The following KIF4A variants were observed in gnomAD, a reference collection of about 807,000 sequenced individuals.
KIF4A encodes chromosome-associated kinesin KIF4A.
A neutral mutation model predicts 105.9 loss-of-function variants in KIF4A; 7 were observed. The observed-to-expected ratio is 0.07, with a 90% CI of 0.04 to 0.12. The LOEUF is 0.12. KIF4A is among the 10% of genes least tolerant of loss of function. The probability of loss-of-function intolerance (pLI) is 1.00; values close to 1 mark genes in which losing one functional copy is unlikely to be tolerated. For missense variants in KIF4A, 558 were observed against 929.2 expected, an observed-to-expected ratio of 0.60 and a Z score of 5.19; for synonymous variants, 281 against 331.3, an observed-to-expected ratio of 0.85 and a Z score of 1.65.
At chrX:70,308,146 T>A (rs967416083) in intron 7 of KIF4A, among the ~76,000 whole-genome samples, 1 of 112,079 alleles carries the variant, frequency 8.9e-6, no homozygotes, top group African/African-American at 3.2e-5. Context: ...CTGAACTTTT[T>A]AATCCCCACT....
chrX:70,329,644 A>G (rs1433032085), intron 8 of KIF4A, 123 bp downstream of exon 8: 5 of 525,697 alleles, frequency 9.5e-6, no homozygotes, highest in Non-Finnish European at 1.6e-5. Context: ...TCTAATTGAT[A>G]AATACGAGAG....
chrX:70,374,836 G>A (rs985369542), intron 16 of KIF4A, among the ~76,000 whole-genome samples: 7 of 112,064 alleles, frequency 6.2e-5, no homozygotes, highest in African/African-American at 2.3e-4. Context: ...TGAGTCTAAA[G>A]CTCATGTTTG....
At chrX:70,377,131 G>T (rs2086178058) in intron 18 of KIF4A, among the ~76,000 whole-genome samples, 1 of 110,960 alleles carries the variant, frequency 9.0e-6, no homozygotes, top group Non-Finnish European at 1.9e-5. Context: ...GGAGTACAGT[G>T]GTGCAATCAT....
In KIF4A at chrX:70,408,419, T is replaced by C. The variant is rs183116409; in HGVS notation, c.3255+1344T>C. Among the ~76,000 whole-genome samples the C allele has an allele frequency of 1.2e-3, 136 of 112,349 alleles. 1 individual carries two copies. The highest frequency in any genetic ancestry group is 2.0e-3 in the Non-Finnish European group (106 of 53,266). ...GACTTAGGCATGCTTTATTTTCTTA[T>C]ACAATGATAGTCCTACTCAAACCTA... is the stretch of plus-strand genomic sequence containing the variant. On this transcript the variant is annotated intron_variant, in intron 28 of 30. Coordinates refer to ENST00000374403, the MANE Select transcript of KIF4A (RefSeq NM_012310.5).
chrX:70,344,575 T>C (rs2085984702), intron 13 of KIF4A, among the ~76,000 whole-genome samples: 1 of 111,282 alleles, frequency 9.0e-6, no homozygotes, highest in Non-Finnish European at 1.9e-5. Context: ...GTGTTCCATC[T>C]CTTAGTCCTT....
chrX:70,382,083 CT>C (rs1424027952), intron 18 of KIF4A, among the ~76,000 whole-genome samples: 2 of 112,329 alleles, frequency 1.8e-5, no homozygotes, highest in African/African-American at 3.2e-5. Context: ...ACAATTTTGT[CT>C]TTTCAACAAA....
intron 20 of KIF4A, among the ~76,000 whole-genome samples, chrX:70,394,845 A>T (rs145438929): frequency 2.9e-4 from 32 of 111,706 alleles, no homozygotes; most frequent in Non-Finnish European, 6.0e-4. Flanking sequence ...TAGGAATTCT[A>T]CTCCATCTGA....
At chrX:70,303,732 A>G (rs906262118) in intron 7 of KIF4A, among the ~76,000 whole-genome samples, 17 of 110,309 alleles carry the variant, frequency 1.5e-4, no homozygotes, top group African/African-American at 5.3e-4. Flanking sequence ...GTACTATAAC[A>G]TTACCTATTT....
At chrX:70,360,297 C>T (rs971298515) in intron 15 of KIF4A, among the ~76,000 whole-genome samples, 1 of 112,824 alleles carries the variant, frequency 8.9e-6, no homozygotes, top group African/African-American at 3.2e-5. Context: ...GACTAACCCA[C>T]GTTAACAGTC....
chrX:70,327,199 C>T (rs1322959858), intron 7 of KIF4A, among the ~76,000 whole-genome samples: 1 of 111,893 alleles, frequency 8.9e-6, no homozygotes, highest in East Asian at 2.8e-4. Context: ...GGCTTTCCTT[C>T]ATATCCTAGA....
At chrX:70,312,584 A>G (rs1335211385) in intron 7 of KIF4A, among the ~76,000 whole-genome samples, 2 of 112,423 alleles carry the variant, frequency 1.8e-5, no homozygotes, top group African/African-American at 3.2e-5. Context: ...GCATGCCTAT[A>G]TAGTTTCACA....
At chrX:70,369,187 T>G (rs1465775151) in intron 15 of KIF4A, among the ~76,000 whole-genome samples, 1 of 112,489 alleles carries the variant, frequency 8.9e-6, no homozygotes, top group African/African-American at 3.2e-5. Flanking sequence ...CTGTGACCCC[T>G]TCCGCTTCCT....
At chrX:70,325,509 C>T (rs2085907722) in intron 7 of KIF4A, among the ~76,000 whole-genome samples, 2 of 111,433 alleles carry the variant, frequency 1.8e-5, no homozygotes, top group African/African-American at 6.5e-5. Context: ...AACTCCTGGG[C>T]TCAAGCAATC....
At chrX:70,391,541 C>G (rs2086237411) in intron 20 of KIF4A, among the ~76,000 whole-genome samples, 1 of 111,278 alleles carries the variant, frequency 9.0e-6, no homozygotes, top group Non-Finnish European at 1.9e-5. Context: ...CTTTTTGTCT[C>G]TAGTTAGTTG....
intron 5 of KIF4A, 65 bp downstream of exon 5, chrX:70,299,267 C>G: frequency 1.1e-6 from 1 of 881,891 alleles, no homozygotes; most frequent in Non-Finnish European, 1.6e-6. Context: ...AAGTTCACAT[C>G]CCTTTTATCT....
At chrX:70,359,648 C>T (rs746281313) in intron 15 of KIF4A, among the ~76,000 whole-genome samples, 1 of 110,634 alleles carries the variant, frequency 9.0e-6, no homozygotes, top group African/African-American at 3.3e-5. Flanking sequence ...GTCTGAGCAC[C>T]AGCCATCACA....
In KIF4A at chrX:70,373,533, T is replaced by TAC. The variant is rs1265492790; in HGVS notation, c.1675-617_1675-616insCA. Among the ~76,000 whole-genome samples the TAC allele has an allele frequency of 9.4e-4, 27 of 28,736 alleles. 7 individuals carry two copies. The highest frequency in any genetic ancestry group is 1.3e-3 in the Non-Finnish European group (25 of 19,843). The allele number at this position is 28,736 out of a possible 115,157, so 25.0% of individuals were successfully genotyped here. On this transcript the variant is annotated intron_variant, in intron 15 of 30. Coordinates refer to ENST00000374403, the MANE Select transcript of KIF4A (RefSeq NM_012310.5). ...ATACATGTGTGTGTATGTATATATA[T>TAC]ATATATATATATATATATATATACG...
chrX:70,420,213 G>A lies in KIF4A; in HGVS notation c.3647G>A (p.Ser1216Asn), dbSNP rs1364917108. 24 of 1,208,896 alleles carry A rather than the reference G, an allele frequency of 2.0e-5. No individual in the cohort carries two copies. The highest frequency in any genetic ancestry group is 2.7e-5 in the Non-Finnish European group (24 of 895,025). ...PGKKKKRALA[S>N]NTSFFSGCSP... The stretch of plus-strand genomic sequence containing the variant: ...AAGAAAAAGAAACGGGCTCTGGCCA[G>A]CAACACCAGCTTCTTCTCTGGCTGC... The change falls in exon 31 of 31, where the codon AGC becomes AAC. Residue 1216 changes from serine (S) to asparagine (N), a missense_variant. Physicochemically the swap from Ser to Asn is conservative, Grantham distance 46 (BLOSUM62 1). Coordinates refer to ENST00000374403, the MANE Select transcript of KIF4A (RefSeq NM_012310.5).
chrX:70,318,141 G>A (rs1213724413), intron 7 of KIF4A, among the ~76,000 whole-genome samples: 1 of 111,628 alleles, frequency 9.0e-6, no homozygotes, highest in Non-Finnish European at 1.9e-5. Flanking sequence ...GCCTCCCAAA[G>A]TGCAGGGATT....
Sources: allele counts gnomAD v4.1 joint callset (sites outside exome capture counted in the v4.1 genomes callset), GRCh38; gene constraint gnomAD v4.1.1; transcripts MANE v1.5; gene names NCBI Gene and HGNC (gene_info 2026-07-23, HGNC 2026-07-21).